Variants in ERC1 observed in about 807,000 individuals in gnomAD.
ERC1 encodes the protein RAB6 interacting protein 2.
In ERC1, 56 loss-of-function variants were observed where a neutral mutation model predicts 132.0. The observed-to-expected ratio is 0.42, with a 90% CI of 0.34 to 0.53. The LOEUF is 0.53. Among genes scored for constraint, ERC1 ranks in the 20% least tolerant of loss-of-function variants. The pLI, the probability that ERC1 is intolerant of heterozygous loss-of-function variation, is 0.03. For synonymous variants in ERC1, 478 were observed against 476.1 expected (o/e 1.00, Z -0.05); for missense variants, 1,202 against 1,349.9 (o/e 0.89, Z 1.72).
chr12:1,171,095 A>T (rs950869509), intron 8 of ERC1, among the ~76,000 whole-genome samples: 14 of 152,206 alleles, frequency 9.2e-5, no homozygotes, highest in African/African-American at 2.9e-4. Context: ...TCACTCCATG[A>T]TCTGTACTAT....
chr12:1,240,945 A>G (rs919195383), intron 13 of ERC1, among the ~76,000 whole-genome samples: 1 of 152,134 alleles, frequency 6.6e-6, no homozygotes, highest in African/African-American at 2.4e-5. Context: ...AGTTGAATCC[A>G]GAGTTCAGTA....
chr12:1,096,971 T>G (rs73037088), intron 3 of ERC1, among the ~76,000 whole-genome samples: 2,355 of 152,350 alleles, frequency 0.015, 29 homozygotes, highest in Middle Eastern at 0.058. Context: ...TATTGTTATC[T>G]TGTATTATAT....
At chr12:1,314,142 T>G in intron 15 of ERC1, among the ~76,000 whole-genome samples, 1 of 143,684 alleles carries the variant, frequency 7.0e-6, no homozygotes, top group Admixed American at 6.9e-5. Context: ...TTCCTTAAAT[T>G]TTTAACTCCA....
intron 13 of ERC1, among the ~76,000 whole-genome samples, chr12:1,255,799 A>T (rs528364146): frequency 6.8e-6 from 1 of 147,152 alleles, no homozygotes; most frequent in African/African-American, 2.6e-5. Flanking sequence ...CTCCTGGCTA[A>T]TTTTTTTTTG....
intron 18 of ERC1, among the ~76,000 whole-genome samples, chr12:1,460,554 G>T (rs1175891870): frequency 6.6e-6 from 1 of 152,104 alleles, no homozygotes; most frequent in Non-Finnish European, 1.5e-5. Flanking sequence ...TTACAAGAAG[G>T]CAGGTTTAAG....
At chr12:1,084,288 C>G (rs1011359658) in intron 3 of ERC1, among the ~76,000 whole-genome samples, 1 of 152,172 alleles carries the variant, frequency 6.6e-6, no homozygotes, top group African/African-American at 2.4e-5. Flanking sequence ...AGTTGGACTT[C>G]AGGTAATTTT....
intron 8 of ERC1, among the ~76,000 whole-genome samples, chr12:1,158,742 C>T (rs1043460580): frequency 1.2e-4 from 19 of 152,062 alleles, no homozygotes; most frequent in East Asian, 3.9e-4. Context: ...TGTGAGCCAC[C>T]GCGCCTGGCT....
Position 1,404,342 on chromosome 12 carries a change from TATTC to T in ERC1, c.2926-3799_2926-3796del, listed in dbSNP as rs200361734. On this transcript the variant is annotated intron_variant, in intron 16 of 18. Coordinates refer to ENST00000360905, the MANE Select transcript of ERC1 (RefSeq NM_178040.4). ...TCATTTATTTACTCATCCATTTACT[TATTC>T]ATTCATTTGCAATAATCCTTTGAAC... Among the ~76,000 whole-genome samples, 801 of 151,920 alleles carry T rather than the reference TATTC, an allele frequency of 5.3e-3. 3 individuals carry two copies. The highest frequency in any genetic ancestry group is 0.018 in the African/African-American group (762 of 41,364).
At chr12:1,034,987 G>A (rs867480143) in intron 2 of ERC1, among the ~76,000 whole-genome samples, 12 of 152,266 alleles carry the variant, frequency 7.9e-5, no homozygotes, top group African/African-American at 2.2e-4. Context: ...TGCTGGCAGC[G>A]ATGCATTCTC....
At position 1,083,421 on chromosome 12, in the gene ERC1, TAAG is replaced by T; in HGVS notation, c.931_933del (p.Lys311del). 6.2e-7 allele frequency: 1 copy of T among 1,614,162 alleles called. No homozygotes were observed. The highest frequency in any genetic ancestry group is 2.2e-5 in the East Asian group (1 of 44,886). On this transcript the variant is annotated inframe_deletion, in exon 3 of 19. Coordinates refer to ENST00000360905, the MANE Select transcript of ERC1 (RefSeq NM_178040.4). ...CCCTAAATGCTCGGGATGAATCCAT[TAAG>T]AAGCTTCTGGAAATGTTGCAGAGCA... is the stretch of plus-strand genomic sequence containing the variant.
Position 1,491,268 on chromosome 12 carries a change from C to T in ERC1, c.*1038C>T. ...GCCCAGTGGCTGCTGAAGTTGTGAT[C>T]CCTCACTCACCCTGCTAGCTTTGCC... On this transcript the variant is annotated 3_prime_UTR_variant, in exon 19 of 19. Coordinates refer to ENST00000360905, the MANE Select transcript of ERC1 (RefSeq NM_178040.4). The T allele has an allele frequency of 4.3e-6, 1 of 231,068 alleles. No homozygotes were observed. The allele number at this position is 231,068 out of a possible 1,614,324, so 14.3% of individuals were successfully genotyped here.
chr12:1,449,196 T>C (rs2093371037), intron 18 of ERC1, among the ~76,000 whole-genome samples: 1 of 152,196 alleles, frequency 6.6e-6, no homozygotes, highest in Non-Finnish European at 1.5e-5. Flanking sequence ...GCTTTTGATT[T>C]TACAGGCTTA....
chr12:1,390,965 C>G (rs182164080), intron 16 of ERC1: 189 of 152,358 alleles, frequency 1.2e-3, no homozygotes, highest in African/African-American at 4.4e-3. Flanking sequence ...TTTCTGACTT[C>G]TGGTGCCCAG....
intron 13 of ERC1, among the ~76,000 whole-genome samples, chr12:1,245,410 G>T (rs1253566766): frequency 6.6e-6 from 1 of 152,068 alleles, no homozygotes; most frequent in Non-Finnish European, 1.5e-5. Flanking sequence ...CATTATTTGT[G>T]AGATTCATTT....
chr12:1,371,874 A>G lies in ERC1; in HGVS notation c.2822A>G (p.Asn941Ser), dbSNP rs573132476. The change falls in exon 16 of 19, where the codon AAT becomes AGT. Residue 941 changes from asparagine (N) to serine (S), a missense_variant. Asn to Ser is a conservative substitution (Grantham distance 46). Transcript: ENST00000360905. ...GCTGCCATTAGTGAAAAAGACGCCAATATAGCTCTCTTGGAGCTTTCGTCC... is the reference window on the plus strand; with the variant it reads ...GCTGCCATTAGTGAAAAAGACGCCAGTATAGCTCTCTTGGAGCTTTCGTCC... ...LLAAISEKDA[N>S]IALLELSSSK... is the part of the protein sequence containing the mutation. 3 of 1,614,080 alleles carry G rather than the reference A, an allele frequency of 1.9e-6. No homozygotes were observed. The highest frequency in any genetic ancestry group is 2.2e-5 in the East Asian group (1 of 44,884).
chr12:1,122,629 C>A (rs368979120), intron 7 of ERC1, among the ~76,000 whole-genome samples: 472 of 4,630 alleles, frequency 0.1, 35 homozygotes, highest in East Asian at 0.67. Flanking sequence ...ATCTGTGTCT[C>A]TATCTCTATC....
At chr12:1,202,956 T>C (rs1383124687) in intron 12 of ERC1, among the ~76,000 whole-genome samples, 1 of 152,250 alleles carries the variant, frequency 6.6e-6, no homozygotes, top group Non-Finnish European at 1.5e-5. Flanking sequence ...TGTCTGCATT[T>C]TACACAGCGT....
intron 2 of ERC1, among the ~76,000 whole-genome samples, chr12:1,079,347 G>T (rs1336948892): frequency 7.1e-6 from 1 of 140,914 alleles, no homozygotes; most frequent in Non-Finnish European, 1.6e-5. Flanking sequence ...GATATACAGA[G>T]ATACAGATAG....
intron 3 of ERC1, among the ~76,000 whole-genome samples, chr12:1,100,406 T>G (rs953219602): frequency 2.6e-5 from 4 of 152,162 alleles, no homozygotes; most frequent in Admixed American, 6.5e-5. Context: ...AACGAGAAGC[T>G]TTTGATAATT....
Sources: gnomAD v4.1 joint callset for allele counts (sites outside exome capture counted in the v4.1 genomes callset) on GRCh38, gnomAD v4.1.1 for gene constraint, MANE v1.5 for transcripts, NCBI Gene and HGNC (gene_info 2026-07-23, HGNC 2026-07-21) for gene names.